PAPOLA: variants seen among roughly 807,000 people sequenced by gnomAD.
PAPOLA encodes poly(A) polymerase alpha, also known as polynucleotide adenylyltransferase alpha.
PAPOLA carries 15 observed loss-of-function variants against 100.6 expected under a neutral mutation model. The ratio of observed to expected loss-of-function variants is 0.15; its 90% CI spans 0.10 to 0.23. PAPOLA has a LOEUF of 0.23. PAPOLA is among the 10% of genes least tolerant of loss of function. The pLI is 1.00. For synonymous variants in PAPOLA, 293 were observed against 300.0 expected (o/e 0.98, Z 0.24); for missense variants, 533 against 884.2 (o/e 0.60, Z 5.04).
chr14:96,530,850 T>C (rs547026952), intron 6 of PAPOLA, among the ~76,000 whole-genome samples: 9 of 152,324 alleles, frequency 5.9e-5, no homozygotes, highest in Admixed American at 5.9e-4. Context: ...GTTTTACTCC[T>C]GTCACCCAGG....
chr14:96,559,103 T>A (rs1277800869), intron 19 of PAPOLA, among the ~76,000 whole-genome samples: 2 of 151,954 alleles, frequency 1.3e-5, no homozygotes, highest in Non-Finnish European at 2.9e-5. Flanking sequence ...ACTATAGCAT[T>A]TTAAGAAGAT....
rs192909223 is a variant in PAPOLA at position 96,561,963 on chromosome 14, C to T, written c.2068-856C>T. Among the ~76,000 whole-genome samples the T allele has an allele frequency of 4.3e-3, 647 of 151,648 alleles. 4 individuals carry two copies. The highest frequency in any genetic ancestry group is 0.015 in the African/African-American group (609 of 41,304). On this transcript the variant is annotated intron_variant, in intron 20 of 21. Transcript: ENST00000216277. ...AGGCTGGAGTGCAGTGGGACAATCT[C>T]GGCTCACTGCAACCTCTGCCTCCTA...
At chr14:96,532,992 CTT>C (rs1263237169) in intron 9 of PAPOLA, 33 of 999,144 alleles carry the variant, frequency 3.3e-5, no homozygotes, top group Non-Finnish European at 3.0e-5. Context: ...CTCTTTCACT[CTT>C]TTAATTCTCT....
At chr14:96,543,499 C>G (rs1051080491) in intron 14 of PAPOLA, among the ~76,000 whole-genome samples, 1 of 151,934 alleles carries the variant, frequency 6.6e-6, no homozygotes, top group Non-Finnish European at 1.5e-5. Context: ...AATAAAGCAG[C>G]ATTAAAACAA....
intron 3 of PAPOLA, among the ~76,000 whole-genome samples, chr14:96,523,034 T>A (rs1375098674): frequency 6.6e-6 from 1 of 152,222 alleles, no homozygotes; most frequent in African/African-American, 2.4e-5. Context: ...TATATGTATA[T>A]TTCAAAATAC....
intron 1 of PAPOLA, among the ~76,000 whole-genome samples, chr14:96,505,321 T>A (rs1435073569): frequency 6.6e-6 from 1 of 152,134 alleles, no homozygotes; most frequent in East Asian, 1.9e-4. Context: ...AGATGTGCCC[T>A]GGGGTGCAAA....
intron 3 of PAPOLA, among the ~76,000 whole-genome samples, chr14:96,521,438 T>G (rs1897952786): frequency 6.6e-6 from 1 of 152,182 alleles, no homozygotes; most frequent in African/African-American, 2.4e-5. Context: ...CAGTTAGTTT[T>G]TAAAAAAGAT....
At chr14:96,549,339 C>G (rs1307303999) in intron 16 of PAPOLA, among the ~76,000 whole-genome samples, 2 of 151,662 alleles carry the variant, frequency 1.3e-5, no homozygotes, top group Admixed American at 6.6e-5. Flanking sequence ...AGCTCCGCCT[C>G]CTGGGTTCAC....
At chr14:96,547,774 G>C in intron 15 of PAPOLA, 23 bp from the exon 16 acceptor site, 1 of 1,555,258 alleles carries the variant, frequency 6.4e-7, no homozygotes, top group East Asian at 2.3e-5. Context: ...TCTATTTCTT[G>C]TAACAATTTC....
intron 21 of PAPOLA, among the ~76,000 whole-genome samples, chr14:96,564,700 T>C (rs1902141334): frequency 6.6e-6 from 1 of 152,178 alleles, no homozygotes; most frequent in South Asian, 2.1e-4. Context: ...TAAAAACTAT[T>C]TGAAATTACT....
intron 3 of PAPOLA, among the ~76,000 whole-genome samples, chr14:96,522,561 C>T (rs1271162952): frequency 6.6e-6 from 1 of 152,090 alleles, no homozygotes; most frequent in Non-Finnish European, 1.5e-5. Flanking sequence ...TATAGGTGGG[C>T]ACCACCAAGC....
intron 1 of PAPOLA, among the ~76,000 whole-genome samples, chr14:96,513,615 G>GT (rs754785299): frequency 3.8e-4 from 58 of 151,882 alleles, no homozygotes; most frequent in African/African-American, 1.1e-3. Context: ...ATAAGGGCTC[G>GT]TTTTTTTTAC....
At chr14:96,515,184 C>A (rs955613764) in intron 1 of PAPOLA, among the ~76,000 whole-genome samples, 1 of 152,098 alleles carries the variant, frequency 6.6e-6, no homozygotes, top group African/African-American at 2.4e-5. Context: ...GGCATGTATT[C>A]TATGTGAACT....
In PAPOLA at chr14:96,520,362, A is replaced by G. The variant is rs115074081; in HGVS notation, c.182+134A>G. 651 of 665,680 alleles carry G rather than the reference A, an allele frequency of 9.8e-4. 2 individuals carry two copies. In the African/African-American group the frequency reaches 0.011, roughly 11 times the overall value. The allele number at this position is 665,680 out of a possible 1,614,324, so 41.2% of individuals were successfully genotyped here. A position where few individuals can be genotyped will look rare whatever the true frequency, so the allele number is the denominator to read the frequency against. On this transcript the variant is annotated intron_variant, in intron 2 of 21. Transcript: ENST00000216277. Reference sequence around the variant, plus strand: ...GATCTATATATCTGTTTTGGAGAAGAGGGATACTTAAGAGAGAAAACTTTT... The same window carrying G: ...GATCTATATATCTGTTTTGGAGAAGGGGGATACTTAAGAGAGAAAACTTTT...
intron 12 of PAPOLA, chr14:96,537,384 T>C: frequency 4.8e-6 from 1 of 208,126 alleles, no homozygotes; most frequent in African/African-American, 2.3e-5. Context: ...CTGTAGTTAA[T>C]AATTCTCTGC....
At chr14:96,527,647 A>G (rs554430249) in intron 5 of PAPOLA, 108 bp downstream of exon 5, 2 of 664,576 alleles carry the variant, frequency 3.0e-6, no homozygotes, top group African/African-American at 1.8e-5. Context: ...CAATTTGCCA[A>G]ACCTTTCTAA....
rs552620997 is a variant in PAPOLA, at chr14:96,546,051, T to G, written c.1400-1746T>G. On this transcript the variant is annotated intron_variant, in intron 15 of 21. Transcript: ENST00000216277. ...ATTGAAACACTTTAATCCAATACTT[T>G]ATGGGATTTTTAAAGAAAATAGGTT... 2.3e-3 allele frequency among the ~76,000 whole-genome samples: 343 copies of G among 152,232 alleles called. 2 individuals are homozygous for G. Among genetic ancestry groups the G allele is most frequent in the South Asian group, 8.7e-3 (42 of 4,820 alleles).
intron 17 of PAPOLA, among the ~76,000 whole-genome samples, chr14:96,555,130 T>A (rs1409562946): frequency 6.6e-6 from 1 of 151,948 alleles, no homozygotes; most frequent in East Asian, 1.9e-4. Context: ...TGGATGGGCT[T>A]TTAGGGTTTT....
intron 3 of PAPOLA, among the ~76,000 whole-genome samples, chr14:96,522,665 A>G (rs767394058): frequency 5.3e-5 from 8 of 152,148 alleles, no homozygotes; most frequent in Non-Finnish European, 1.2e-4. Context: ...TTGGCTTCCC[A>G]AAGTGCCAGG....
Sources: allele counts gnomAD v4.1 joint callset (sites outside exome capture counted in the v4.1 genomes callset), GRCh38; gene constraint gnomAD v4.1.1; transcripts MANE v1.5; gene names NCBI Gene and HGNC (gene_info 2026-07-23, HGNC 2026-07-21).